Variants in NEK7 observed in about 807,000 individuals in gnomAD.
NEK7 encodes serine/threonine-protein kinase Nek7.
Under a neutral mutation model 44.6 loss-of-function variants are expected in NEK7, and 18 were observed. The observed-to-expected ratio is 0.40, with a 90% CI of 0.28 to 0.60. The LOEUF is 0.60. NEK7 is among the 20% of genes least tolerant of loss of function. NEK7 has a pLI of 0.38. For missense variants in NEK7, 256 were observed against 366.5 expected (o/e 0.70, Z 2.46); for synonymous variants, 130 against 121.1 (o/e 1.07, Z -0.48).
chr1:198,293,725 G>A (rs1036133455), intron 8 of NEK7, among the ~76,000 whole-genome samples: 2 of 151,672 alleles, frequency 1.3e-5, no homozygotes, highest in African/African-American at 2.4e-5. Context: ...CTGTAATTTT[G>A]TTTTTTTAAT....
At chr1:198,249,804 T>C (rs2102914161) in intron 2 of NEK7, among the ~76,000 whole-genome samples, 2 of 122,188 alleles carry the variant, frequency 1.6e-5, no homozygotes, top group South Asian at 3.2e-4. Flanking sequence ...GTCAGATGAG[T>C]GGGTTGCGAA....
chr1:198,212,891 ATCATCAT>A (rs113317925), intron 1 of NEK7, among the ~76,000 whole-genome samples: 30,090 of 152,184 alleles, frequency 0.2, 3,526 homozygotes, highest in African/African-American at 0.31. Flanking sequence ...GACCTCAGCT[ATCATCAT>A]TGCCTGAGTC....
intron 2 of NEK7, among the ~76,000 whole-genome samples, chr1:198,243,426 T>G (rs533091943): frequency 1.3e-5 from 2 of 152,182 alleles, no homozygotes; most frequent in South Asian, 4.1e-4. Flanking sequence ...AGTAAAAGGC[T>G]TTTTCTCTCC....
At chr1:198,280,949 T>C (rs1654176883) in intron 7 of NEK7, among the ~76,000 whole-genome samples, 1 of 151,674 alleles carries the variant, frequency 6.6e-6, no homozygotes, top group Non-Finnish European at 1.5e-5. Flanking sequence ...TTACATATTA[T>C]TTTGAGAAAA....
chr1:198,242,028 C>G (rs571949730), intron 2 of NEK7, among the ~76,000 whole-genome samples: 1 of 152,298 alleles, frequency 6.6e-6, no homozygotes, highest in African/African-American at 2.4e-5. Context: ...AATGGCAGCA[C>G]TATTCATCTG....
intron 7 of NEK7, among the ~76,000 whole-genome samples, chr1:198,291,656 T>A (rs893541256): frequency 2.6e-5 from 4 of 152,250 alleles, no homozygotes; most frequent in African/African-American, 9.6e-5. Context: ...TTTTTAACGT[T>A]TCTTCATCAC....
rs1031357948 is a variant in NEK7, at chr1:198,238,864, C to G, written c.57+6227C>G. ...TATTCTTATAGGTACCTCATACTTA[C>G]AGTTTTCAAGATGAAATTTATCGTA... is the stretch of plus-strand genomic sequence containing the variant. On this transcript the variant is annotated intron_variant, in intron 2 of 9. Transcript: ENST00000367385. 7.2e-5 allele frequency among the ~76,000 whole-genome samples: 11 copies of G among 152,314 alleles called. No homozygotes were observed. In the South Asian group the frequency reaches 1.9e-3, roughly 26 times the overall value.
chr1:198,286,037 T>G (rs1471425733), intron 7 of NEK7, among the ~76,000 whole-genome samples: 1 of 152,138 alleles, frequency 6.6e-6, no homozygotes, highest in Non-Finnish European at 1.5e-5. Context: ...CCTGGTGACT[T>G]TTCTCTGGAT....
At chr1:198,222,373 A>G (rs188802571) in intron 1 of NEK7, among the ~76,000 whole-genome samples, 3 of 152,268 alleles carry the variant, frequency 2.0e-5, no homozygotes, top group East Asian at 3.9e-4. Context: ...CCTTCCCCCA[A>G]AGAAATTTGA....
intron 2 of NEK7, among the ~76,000 whole-genome samples, chr1:198,247,015 A>C (rs1293528985): frequency 6.6e-6 from 1 of 152,224 alleles, no homozygotes; most frequent in Non-Finnish European, 1.5e-5. Context: ...TAAAAACGTA[A>C]AAAATTGCCA....
intron 7 of NEK7, among the ~76,000 whole-genome samples, chr1:198,281,357 A>G (rs1654192576): frequency 6.6e-6 from 1 of 152,110 alleles, no homozygotes; most frequent in South Asian, 2.1e-4. Flanking sequence ...TATTTTGCTT[A>G]TAGAAAACAC....
intron 1 of NEK7, among the ~76,000 whole-genome samples, chr1:198,219,494 G>A (rs944880407): frequency 1.3e-5 from 2 of 151,352 alleles, no homozygotes; most frequent in African/African-American, 4.8e-5. Context: ...ATAATTGGGA[G>A]CTAAACTATG....
At chr1:198,315,143 G>A (rs1228027919) in intron 9 of NEK7, among the ~76,000 whole-genome samples, 14 of 152,156 alleles carry the variant, frequency 9.2e-5, no homozygotes, top group Admixed American at 5.2e-4. Context: ...CTGGTGCGCC[G>A]TTTTTTTAAG....
chr1:198,247,169 C>T (rs1666856286), intron 2 of NEK7, among the ~76,000 whole-genome samples: 1 of 152,134 alleles, frequency 6.6e-6, no homozygotes, highest in Non-Finnish European at 1.5e-5. Flanking sequence ...GGCAAGTTAT[C>T]TCCCTTTATT....
chr1:198,211,563 T>A (rs1267030496), intron 1 of NEK7, among the ~76,000 whole-genome samples: 1 of 152,180 alleles, frequency 6.6e-6, no homozygotes, highest in African/African-American at 2.4e-5. Flanking sequence ...CAAAGTAGCA[T>A]AAATAATATT....
chr1:198,185,753 G>A (rs142197282), intron 1 of NEK7, among the ~76,000 whole-genome samples: 1 of 152,204 alleles, frequency 6.6e-6, no homozygotes, highest in East Asian at 1.9e-4. Flanking sequence ...GGCAAGGAGT[G>A]CTGAGTACCA....
chr1:198,257,966 C>T (rs1480006127), intron 3 of NEK7, among the ~76,000 whole-genome samples: 1 of 151,926 alleles, frequency 6.6e-6, no homozygotes, highest in African/African-American at 2.4e-5. Context: ...ATAATTATAG[C>T]AAAAAATAAA....
intron 9 of NEK7, among the ~76,000 whole-genome samples, chr1:198,303,369 A>G (rs1251559756): frequency 6.6e-6 from 1 of 152,132 alleles, no homozygotes; most frequent in Non-Finnish European, 1.5e-5. Context: ...ATATTTATAA[A>G]TAATTTTTGT....
chr1:198,252,341 T>G (rs1458189183), intron 2 of NEK7, among the ~76,000 whole-genome samples: 1 of 151,620 alleles, frequency 6.6e-6, no homozygotes, highest in East Asian at 1.9e-4. Flanking sequence ...CTGAAAAAAA[T>G]GTATATTCTG....
Sources: gnomAD v4.1 joint callset for allele counts (sites outside exome capture counted in the v4.1 genomes callset) on GRCh38, gnomAD v4.1.1 for gene constraint, MANE v1.5 for transcripts, NCBI Gene and HGNC (gene_info 2026-07-23, HGNC 2026-07-21) for gene names.